Variants in SSH2 observed in about 807,000 individuals in gnomAD.
SSH2 encodes the protein slingshot protein phosphatase 2, also known as protein phosphatase Slingshot homolog 2.
Under a neutral mutation model 135.2 loss-of-function variants are expected in SSH2, and 37 were observed. The ratio of observed to expected loss-of-function variants is 0.27; its 90% CI spans 0.21 to 0.36. The LOEUF (loss-of-function observed/expected upper bound fraction) is 0.36, where lower values mean the gene tolerates loss of function less well. SSH2 is among the 10% of genes least tolerant of loss of function. The pLI, the probability that SSH2 is intolerant of heterozygous loss-of-function variation, is 1.00. For synonymous variants in SSH2, 628 were observed against 646.2 expected (o/e 0.97, Z 0.43); for missense variants, 1,408 against 1,765.3 (o/e 0.80, Z 3.63).
At chr17:29,643,353 T>A in intron 14 of SSH2, 1 of 819,312 alleles carries the variant, frequency 1.2e-6, no homozygotes, top group Non-Finnish European at 1.5e-6. Context: ...GGGTGTTCAC[T>A]GTCCCATGGG....
chr17:29,847,851 C>T (rs185892853), intron 2 of SSH2, among the ~76,000 whole-genome samples: 52 of 152,296 alleles, frequency 3.4e-4, no homozygotes, highest in African/African-American at 1.1e-3. Context: ...CTGCCCCTTT[C>T]CTAGAAAGTT....
chr17:29,675,582 C>T (rs984389819), intron 8 of SSH2, among the ~76,000 whole-genome samples: 3 of 151,866 alleles, frequency 2.0e-5, no homozygotes, highest in African/African-American at 7.3e-5. Flanking sequence ...CGGCTTGAGG[C>T]CAGGAGTTCA....
chr17:29,842,067 GA>G (rs1367331288), intron 2 of SSH2, among the ~76,000 whole-genome samples: 6 of 151,494 alleles, frequency 4.0e-5, no homozygotes, highest in Non-Finnish European at 8.8e-5. Flanking sequence ...ATTCATATTA[GA>G]ATAATCCTGG....
rs1164008883 is a variant in SSH2 at position 29,841,446 on chromosome 17, C to T, written c.144+7403G>A. On this transcript the variant is annotated intron_variant, in intron 2 of 15. Transcript: ENST00000540801. The stretch of plus-strand genomic sequence containing the variant: ...AAGACATGGAAAACTTTACCCTTCA[C>T]TGACTTAAATTTATACTAGATTTGG... Among the ~76,000 whole-genome samples, 3 of 152,210 alleles carry T rather than the reference C, an allele frequency of 2.0e-5. No individual in the cohort carries two copies. In the East Asian group the frequency reaches 5.8e-4, roughly 29 times the overall value.
chr17:29,674,186 A>G (rs1567864718), intron 8 of SSH2: 2 of 455,968 alleles, frequency 4.4e-6, no homozygotes, highest in Non-Finnish European at 8.8e-6. Flanking sequence ...AAGAAAACAA[A>G]TTTAAACCAA....
intron 3 of SSH2, among the ~76,000 whole-genome samples, chr17:29,709,037 G>A (rs1288998039): frequency 6.8e-6 from 1 of 147,080 alleles, no homozygotes; most frequent in African/African-American, 2.5e-5. Flanking sequence ...GAGAGAGAGA[G>A]AGAGAGAGAG....
chr17:29,903,593 TA>T (rs1368836568), intron 1 of SSH2, among the ~76,000 whole-genome samples: 1 of 152,168 alleles, frequency 6.6e-6, no homozygotes, highest in African/African-American at 2.4e-5. Context: ...ATCTCCCTGA[TA>T]AATCCCTTAG....
intron 12 of SSH2, among the ~76,000 whole-genome samples, chr17:29,651,817 A>G (rs1354645500): frequency 6.6e-6 from 1 of 151,990 alleles, no homozygotes; most frequent in African/African-American, 2.4e-5. Flanking sequence ...ATCAAAGCCC[A>G]TTACTACAAA....
chr17:29,862,929 T>C (rs1233053987), intron 1 of SSH2, among the ~76,000 whole-genome samples: 1 of 152,216 alleles, frequency 6.6e-6, no homozygotes, highest in Non-Finnish European at 1.5e-5. Flanking sequence ...TCAGCCCCAC[T>C]GAAGTAGGAG....
chr17:29,907,645 A>G (rs1425733670), intron 1 of SSH2, among the ~76,000 whole-genome samples: 1 of 152,226 alleles, frequency 6.6e-6, no homozygotes, highest in Non-Finnish European at 1.5e-5. Flanking sequence ...GAGCTCCTTA[A>G]CTAACTGAAA....
At chr17:29,848,453 C>T (rs2065485683) in intron 2 of SSH2, among the ~76,000 whole-genome samples, 1 of 151,880 alleles carries the variant, frequency 6.6e-6, no homozygotes, top group South Asian at 2.1e-4. Flanking sequence ...GAATAAAGGC[C>T]CTGTGGCAGC....
intron 5 of SSH2, among the ~76,000 whole-genome samples, chr17:29,688,953 C>T (rs1161565210): frequency 2.0e-5 from 3 of 151,972 alleles, no homozygotes; most frequent in Non-Finnish European, 4.4e-5. Context: ...GTCAGGAGTT[C>T]GAGATCAGCT....
At chr17:29,913,347 A>AAAAATT in intron 1 of SSH2, among the ~76,000 whole-genome samples, 1 of 28,778 alleles carries the variant, frequency 3.5e-5, no homozygotes, top group Non-Finnish European at 5.9e-5. Flanking sequence ...AAAAAAAAAA[A>AAAAATT]ATATATATAT....
chr17:29,761,046 G>C (rs1008126485), intron 3 of SSH2: 4 of 1,178,986 alleles, frequency 3.4e-6, no homozygotes, highest in African/African-American at 1.6e-5. Flanking sequence ...ATGCGCGCTC[G>C]CCCTCGCTTG....
intron 2 of SSH2, among the ~76,000 whole-genome samples, chr17:29,832,984 T>C (rs2042874499): frequency 6.6e-6 from 1 of 152,218 alleles, no homozygotes; most frequent in Non-Finnish European, 1.5e-5. Flanking sequence ...TCTTTTACTT[T>C]GTTAAGACTG....
At chr17:29,910,384 C>T (rs935507901) in intron 1 of SSH2, among the ~76,000 whole-genome samples, 2 of 152,160 alleles carry the variant, frequency 1.3e-5, no homozygotes, top group African/African-American at 2.4e-5. Context: ...TATGGCAATG[C>T]TGCAGATACC....
chr17:29,687,487 A>T (rs2038273800), intron 5 of SSH2, among the ~76,000 whole-genome samples: 1 of 152,244 alleles, frequency 6.6e-6, no homozygotes, highest in Non-Finnish European at 1.5e-5. Flanking sequence ...CGGAACTAAC[A>T]TTTAAATGGA....
At position 29,789,385 on chromosome 17, in the gene SSH2, A is replaced by G. The variant is rs955454459; in HGVS notation, c.188+4509T>C. Among the ~76,000 whole-genome samples, 18 of 152,338 alleles carry G rather than the reference A, an allele frequency of 1.2e-4. 1 individual carries two copies. In the South Asian group the frequency reaches 2.1e-3, roughly 18 times the overall value. ...ACCACAGGCCTAATCAGCCATCTCA[A>G]TAGAAGCCAGGATAGAGAAGGGATT... is the stretch of plus-strand genomic sequence containing the variant. On this transcript the variant is annotated intron_variant, in intron 3 of 15. Coordinates refer to ENST00000540801, the MANE Select transcript of SSH2 (RefSeq NM_001282129.2).
intron 2 of SSH2, among the ~76,000 whole-genome samples, chr17:29,815,814 C>A (rs997678272): frequency 1.3e-5 from 2 of 152,102 alleles, no homozygotes; most frequent in Admixed American, 6.6e-5. Context: ...TATTCAATGT[C>A]CTTTTTCTCT....
Sources: allele counts gnomAD v4.1 joint callset (sites outside exome capture counted in the v4.1 genomes callset), GRCh38; gene constraint gnomAD v4.1.1; transcripts MANE v1.5; gene names NCBI Gene and HGNC (gene_info 2026-07-23, HGNC 2026-07-21).